The following BLTP3A variants were observed in gnomAD, a reference collection of about 807,000 sequenced individuals.
BLTP3A encodes the protein bridge-like lipid transfer protein family member 3A.
At chr6:34,815,977 A>T in the BLTP3A span, among the ~76,000 whole-genome samples, 1 of 152,226 alleles carries the variant, frequency 6.6e-6, no homozygotes, top group Non-Finnish European at 1.5e-5. Context: ...CAAAATAATT[A>T]AGATCCATGT....
chr6:34,856,341 G>A, the BLTP3A span: 2 of 1,614,044 alleles, frequency 1.2e-6, no homozygotes, highest in Non-Finnish European at 8.5e-7. Flanking sequence ...ATGGAGAAGT[G>A]GCATGAAGAG....
chr6:34,856,277 A>C, the BLTP3A span: 7 of 1,614,160 alleles, frequency 4.3e-6, no homozygotes, highest in Non-Finnish European at 5.9e-6. Flanking sequence ...CTGTGAGGCC[A>C]TGGAGACCCG....
At chr6:34,823,938 G>A in the BLTP3A span, among the ~76,000 whole-genome samples, 4 of 151,122 alleles carry the variant, frequency 2.6e-5, no homozygotes, top group South Asian at 2.1e-4. Flanking sequence ...ATATGATTCC[G>A]CTTGCAGATA....
chr6:34,792,925 C>G, the BLTP3A span, among the ~76,000 whole-genome samples: 734 of 152,340 alleles, frequency 4.8e-3, 12 homozygotes, highest in South Asian at 0.031. Context: ...CTTGGAAAAG[C>G]CCAGCACCCA....
the BLTP3A span, among the ~76,000 whole-genome samples, chr6:34,825,561 C>G: frequency 6.6e-6 from 1 of 152,338 alleles, no homozygotes; most frequent in African/African-American, 2.4e-5. Context: ...CCTGCCTTGG[C>G]CTCCCAAAGT....
chr6:34,848,328 G>A, the BLTP3A span, among the ~76,000 whole-genome samples: 189 of 151,674 alleles, frequency 1.2e-3, no homozygotes, highest in Admixed American at 4.0e-3. Context: ...AATCAGGGCC[G>A]GGTGCGGTCA....
the BLTP3A span, among the ~76,000 whole-genome samples, chr6:34,843,357 A>C: frequency 1.3e-5 from 2 of 152,156 alleles, no homozygotes; most frequent in African/African-American, 2.4e-5. Context: ...TTATTATTTA[A>C]TTCTGTAATA....
chr6:34,871,225 T>A, the BLTP3A span: 3 of 1,293,990 alleles, frequency 2.3e-6, no homozygotes, highest in Non-Finnish European at 3.2e-6. Flanking sequence ...CTTTTCACTG[T>A]AAAATATGGT....
the BLTP3A span, chr6:34,856,310 G>C: frequency 6.2e-7 from 1 of 1,614,168 alleles, no homozygotes; most frequent in Non-Finnish European, 8.5e-7. Flanking sequence ...CCAGAAGCTG[G>C]TGATGGAATT....
chr6:34,862,250 G>A, the BLTP3A span, among the ~76,000 whole-genome samples: 1 of 151,916 alleles, frequency 6.6e-6, no homozygotes, highest in Non-Finnish European at 1.5e-5. Context: ...GGTGGCACGT[G>A]CCTGTAGTCC....
chr6:34,852,396 C>T, the BLTP3A span, among the ~76,000 whole-genome samples: 145 of 152,312 alleles, frequency 9.5e-4, 1 homozygote, highest in African/African-American at 3.3e-3. Context: ...TCCATTCTGA[C>T]CCAGGATCTG....
chr6:34,844,779 A>C, the BLTP3A span, among the ~76,000 whole-genome samples: 4 of 152,050 alleles, frequency 2.6e-5, no homozygotes, highest in Admixed American at 2.0e-4. Context: ...ATAGTTTGCA[A>C]ATGTTTTCTC....
chr6:34,804,651 CAG>C, the BLTP3A span, among the ~76,000 whole-genome samples: 27 of 152,252 alleles, frequency 1.8e-4, no homozygotes, highest in Admixed American at 5.9e-4. Flanking sequence ...ATTGGAAAGA[CAG>C]AAGCTAGATC....
the BLTP3A span, among the ~76,000 whole-genome samples, chr6:34,844,173 G>A: frequency 3.3e-5 from 5 of 151,852 alleles, no homozygotes; most frequent in Non-Finnish European, 2.9e-5. Flanking sequence ...TAGTAGAGAC[G>A]GGGTTTCACC....
chr6:34,826,899 T>C, the BLTP3A span, among the ~76,000 whole-genome samples: 2 of 152,216 alleles, frequency 1.3e-5, no homozygotes, highest in Admixed American at 6.5e-5. Flanking sequence ...CAAGGAGCCC[T>C]GATTCCCTTC....
chr6:34,806,389 G>A, the BLTP3A span, among the ~76,000 whole-genome samples: 9 of 152,256 alleles, frequency 5.9e-5, no homozygotes, highest in Middle Eastern at 6.8e-3. Flanking sequence ...TCTTAGGTAC[G>A]TGTTCGTGCA....
At chr6:34,856,125 C>G in the BLTP3A span, 1 of 1,349,594 alleles carries the variant, frequency 7.4e-7, no homozygotes, top group South Asian at 1.4e-5. Flanking sequence ...CTAGAGATTT[C>G]TGCACTGTGG....
chr6:34,813,272 A>C, the BLTP3A span, among the ~76,000 whole-genome samples: 3 of 152,200 alleles, frequency 2.0e-5, no homozygotes, highest in Admixed American at 6.5e-5. Context: ...GCAAGCTGTG[A>C]GTCTTGGGCA....
chr6:34,834,929 T>C, the BLTP3A span: 1 of 1,567,318 alleles, frequency 6.4e-7, no homozygotes, highest in South Asian at 1.2e-5. Context: ...GGATTTGGTA[T>C]TCCCTTATTG....
Sources: allele counts gnomAD v4.1 joint callset (sites outside exome capture counted in the v4.1 genomes callset), GRCh38; gene constraint gnomAD v4.1.1; transcripts MANE v1.5; gene names NCBI Gene and HGNC (gene_info 2026-07-23, HGNC 2026-07-21).